STX18: variants seen among roughly 807,000 people sequenced by gnomAD.
STX18 encodes the protein syntaxin-18.
Under a neutral mutation model 50.1 loss-of-function variants are expected in STX18, and 40 were observed. The ratio of observed to expected loss-of-function variants is 0.80; its 90% CI spans 0.62 to 1.04. The LOEUF is 1.04. Among genes scored for constraint, STX18 ranks in the 50% least tolerant of loss-of-function variants. The probability of loss-of-function intolerance (pLI) is 0.00; values close to 1 mark genes in which losing one functional copy is unlikely to be tolerated. For missense variants in STX18, 410 were observed against 415.8 expected (o/e 0.99, Z 0.12); for synonymous variants, 158 against 151.8 (o/e 1.04, Z -0.30).
rs77097979 is a variant in STX18 at position 4,457,327 on chromosome 4, A to G, written c.431-70T>C. 2.4e-3 allele frequency: 3,680 copies of G among 1,544,910 alleles called. 69 individuals are homozygous for G. In the African/African-American group the frequency reaches 0.044, roughly 18 times the overall value. ...TTCTCAGGCAAAGCCATCATTAAATATAATGAGATACTACAGTCTTCAGCT... is the reference window on the plus strand; with the variant it reads ...TTCTCAGGCAAAGCCATCATTAAATGTAATGAGATACTACAGTCTTCAGCT... On this transcript the variant is annotated intron_variant, in intron 4 of 10. Coordinates refer to ENST00000306200, the MANE Select transcript of STX18 (RefSeq NM_016930.4).
In STX18 at chr4:4,420,981, T is replaced by C. The variant is rs781516497; in HGVS notation, c.832-37A>G. On this transcript the variant is annotated intron_variant, in intron 9 of 10. Coordinates refer to ENST00000306200, the MANE Select transcript of STX18 (RefSeq NM_016930.4). This position sits in a 1 kb window ranked among gnomAD's most constrained non-coding sequence, Gnocchi z 4.3. ...AAGATAAATACAAGTTGAGTATCCT[T>C]TATCCAAAAACCTGAAACCCAAAAT... 6.2e-7 allele frequency: 1 copy of C among 1,605,526 alleles called. No individual in the cohort carries two copies. Among genetic ancestry groups the C allele is most frequent in the East Asian group, 2.2e-5 (1 of 44,848 alleles).
chr4:4,508,507 G>A (rs1729841098), intron 1 of STX18, among the ~76,000 whole-genome samples: 1 of 152,126 alleles, frequency 6.6e-6, no homozygotes, highest in African/African-American at 2.4e-5. Flanking sequence ...TTATTTTGAA[G>A]TTAACAAGAA....
intron 6 of STX18, among the ~76,000 whole-genome samples, chr4:4,435,582 T>C (rs1560162169): frequency 6.6e-6 from 1 of 152,212 alleles, no homozygotes; most frequent in East Asian, 1.9e-4. Flanking sequence ...AATTGCTGCA[T>C]GATATTCCAT....
chr4:4,438,777 G>A lies in STX18; in HGVS notation c.498-268C>T, dbSNP rs189331435. 3.3e-3 allele frequency among the ~76,000 whole-genome samples: 501 copies of A among 151,930 alleles called. 1 individual carries two copies. Among genetic ancestry groups the A allele is most frequent in the African/African-American group, 0.011 (467 of 41,346 alleles). On this transcript the variant is annotated intron_variant, in intron 5 of 10. Transcript: ENST00000306200. ...CAGCATGCAGGGGGAGGCTGCAGTT[G>A]GTATGTGCTGAATACGCTCCATAGA...
rs2108765911 is a variant in STX18 at position 4,420,605 on chromosome 4, C to A, written c.912+259G>T. The A allele has an allele frequency of 2.0e-6, 1 of 507,508 alleles. No homozygotes were observed. Among genetic ancestry groups the A allele is most frequent in the South Asian group, 2.7e-5 (1 of 37,728 alleles). 31.4% of individuals were successfully genotyped at this position (507,508 alleles called of 1,614,324 possible). ...CCTGGACATGAAGAGCTGGCCTGAC[C>A]CTGCCAGGAGTACCCCCACCCACCC... On this transcript the variant is annotated intron_variant, in intron 10 of 10. Coordinates refer to ENST00000306200, the MANE Select transcript of STX18 (RefSeq NM_016930.4). This position sits in a 1 kb window ranked among gnomAD's most constrained non-coding sequence, Gnocchi z 4.3.
intron 1 of STX18, among the ~76,000 whole-genome samples, chr4:4,521,332 G>A (rs1320776334): frequency 6.6e-6 from 1 of 152,116 alleles, no homozygotes; most frequent in African/African-American, 2.4e-5. Context: ...CCACAATGTA[G>A]GTCAGCTTAT....
rs549941229 is a variant in STX18, at chr4:4,490,005, G to C, written c.169-18299C>G. 1.0e-3 allele frequency among the ~76,000 whole-genome samples: 153 copies of C among 152,120 alleles called. No individual in the cohort carries two copies. In the Middle Eastern group the frequency reaches 0.031, roughly 30 times the overall value. ...AACAGTTTTTCAGACAATTAATTAG[G>C]TAAAGCATTTGAAACACCATACATA... is the stretch of plus-strand genomic sequence containing the variant. On this transcript the variant is annotated intron_variant, in intron 1 of 10. Transcript: ENST00000306200.
chr4:4,423,536 C>T lies in STX18; in HGVS notation c.813G>A (p.Thr271=), dbSNP rs751562471. The change falls in exon 9 of 11, where the codon ACG becomes ACA. Residue 271 remains threonine, a synonymous_variant. Coordinates refer to ENST00000306200, the MANE Select transcript of STX18 (RefSeq NM_016930.4). ...TTTTTACCTGTTGCAAAACCTTTTC[C>T]GTGAATATCTCTTGGAGTCTGGAAA... is the stretch of plus-strand genomic sequence containing the variant. ...VEISRLQEIF[T]EKVLQQEAEI... The T allele has an allele frequency of 2.4e-5, 38 of 1,614,082 alleles. No homozygotes were observed. In the Admixed American group the frequency reaches 2.7e-4, roughly 11 times the overall value.
intron 1 of STX18, 151 bp downstream of exon 1, chr4:4,541,646 G>C: frequency 2.7e-6 from 2 of 746,378 alleles, no homozygotes; most frequent in Non-Finnish European, 4.0e-6. Context: ...CCCCCAAAAA[G>C]CTGTAGGGTC....
At chr4:4,453,700 A>G in intron 5 of STX18, 1 of 978,778 alleles carries the variant, frequency 1.0e-6, no homozygotes. Flanking sequence ...TATTTTTGAT[A>G]TATAATATCA....
chr4:4,471,863 T>C (rs1178845730), intron 1 of STX18, among the ~76,000 whole-genome samples, 157 bp from the exon 2 acceptor site: 2 of 152,244 alleles, frequency 1.3e-5, no homozygotes, highest in South Asian at 2.1e-4. Context: ...CACAAATTAG[T>C]TACCATTCCT....
intron 8 of STX18, 101 bp from the exon 9 acceptor site, chr4:4,423,688 G>A (rs1031565970): frequency 1.1e-5 from 13 of 1,157,610 alleles, no homozygotes; most frequent in African/African-American, 3.5e-5. Flanking sequence ...CGTGAAGGTG[G>A]GAGAGACAGG....
chr4:4,524,055 TTA>T (rs1465126077), intron 1 of STX18, among the ~76,000 whole-genome samples: 1 of 152,178 alleles, frequency 6.6e-6, no homozygotes, highest in African/African-American at 2.4e-5. Flanking sequence ...TTTCCCTAGA[TTA>T]TGTGTTTCTC....
intron 5 of STX18, among the ~76,000 whole-genome samples, chr4:4,442,929 T>C (rs1020974562): frequency 6.6e-6 from 1 of 151,832 alleles, no homozygotes; most frequent in African/African-American, 2.4e-5. Flanking sequence ...TGAAAAATGC[T>C]CAATCTTCCT....
intron 1 of STX18, among the ~76,000 whole-genome samples, chr4:4,537,817 T>G (rs1455523000): frequency 1.3e-5 from 2 of 152,160 alleles, no homozygotes; most frequent in Non-Finnish European, 2.9e-5. Flanking sequence ...CACATTCAAA[T>G]CCAAGTCTTT....
In STX18 at chr4:4,458,994, G is replaced by A. The variant is rs376706663; in HGVS notation, c.352+378C>T. On this transcript the variant is annotated intron_variant, in intron 3 of 10. Transcript: ENST00000306200. ...CCCACTAAATGCCACACAGAACAGA[G>A]GCACACATGTGCATACACACATACA... is the stretch of plus-strand genomic sequence containing the variant. Among the ~76,000 whole-genome samples the A allele has an allele frequency of 1.4e-4, 21 of 151,684 alleles. No individual in the cohort carries two copies. In the East Asian group the frequency reaches 2.1e-3, roughly 15 times the overall value.
At position 4,446,181 on chromosome 4, in the gene STX18, C is replaced by T. The variant is rs548502760; in HGVS notation, c.498-7672G>A. Among the ~76,000 whole-genome samples the T allele has an allele frequency of 5.9e-5, 9 of 152,144 alleles. No homozygotes were observed. The East Asian group carries it at 1.7e-3, about 29-fold the overall frequency. On this transcript the variant is annotated intron_variant, in intron 5 of 10. Transcript: ENST00000306200. ...ATATAGAATAAAATAAACCTCAACC[C>T]CATTTCATCCTATCAAAAAGTTGGT... is the stretch of plus-strand genomic sequence containing the variant.
chr4:4,515,080 T>C (rs1730187985), intron 1 of STX18, among the ~76,000 whole-genome samples: 1 of 152,152 alleles, frequency 6.6e-6, no homozygotes, highest in South Asian at 2.1e-4. Flanking sequence ...TCTCAGAAAG[T>C]ACATTCATGC....
Position 4,471,720 on chromosome 4 carries a change from A to G in STX18, c.169-14T>C. On this transcript the variant is annotated splice_polypyrimidine_tract_variant and intron_variant, in intron 1 of 10. Coordinates refer to ENST00000306200, the MANE Select transcript of STX18 (RefSeq NM_016930.4). ...AATGTGAGAAATCTAAAATTAAAAA[A>G]GAAAGCCAACAGTTTATATAGATAT... 6.4e-7 allele frequency: 1 copy of G among 1,564,372 alleles called. No individual in the cohort carries two copies. Among genetic ancestry groups the G allele is most frequent in the Non-Finnish European group, 8.6e-7 (1 of 1,157,982 alleles).
Sources: allele counts gnomAD v4.1 joint callset (sites outside exome capture counted in the v4.1 genomes callset), GRCh38; gene constraint gnomAD v4.1.1; non-coding constraint Gnocchi (gnomAD v3.1); transcripts MANE v1.5; gene names NCBI Gene and HGNC (gene_info 2026-07-23, HGNC 2026-07-21).